The following IQGAP2 variants were observed in gnomAD, a reference collection of about 807,000 sequenced individuals.
IQGAP2 encodes ras GTPase-activating-like protein IQGAP2.
In IQGAP2, 173 loss-of-function variants were observed where a neutral mutation model predicts 201.3. The observed-to-expected ratio is 0.86, with a 90% CI of 0.76 to 0.98. The LOEUF (loss-of-function observed/expected upper bound fraction) is 0.98. Ranked by LOEUF, IQGAP2 falls within the 50% of genes least tolerant of loss-of-function variation. The pLI, the probability that IQGAP2 is intolerant of heterozygous loss-of-function variation, is 0.00. For missense variants in IQGAP2, 1,687 were observed against 1,864.8 expected, an observed-to-expected ratio of 0.90 and a Z score of 1.76; for synonymous variants, 675 against 673.9, an observed-to-expected ratio of 1.00 and a Z score of -0.03.
chr5:76,542,728 C>T (rs943921237), intron 2 of IQGAP2, among the ~76,000 whole-genome samples: 6 of 152,220 alleles, frequency 3.9e-5, no homozygotes, highest in Admixed American at 2.0e-4. Context: ...AAATTTGTCT[C>T]CTCATACCTG....
chr5:76,475,975 A>G (rs1399963648), intron 2 of IQGAP2, among the ~76,000 whole-genome samples: 1 of 152,106 alleles, frequency 6.6e-6, no homozygotes, highest in Non-Finnish European at 1.5e-5. Context: ...TGAAGCCAGG[A>G]TGGGAAAGAT....
At position 76,610,911 on chromosome 5, in the gene IQGAP2, G is replaced by T. The variant is rs1056957651; in HGVS notation, c.1358-109G>T. 3.1e-5 allele frequency: 24 copies of T among 776,438 alleles called. No homozygotes were observed. The African/African-American group carries it at 3.6e-4, about 12-fold the overall frequency. 48.1% of individuals were successfully genotyped at this position (776,438 alleles called of 1,614,324 possible). A position where few individuals can be genotyped will look rare whatever the true frequency, so the allele number is the denominator to read the frequency against. On this transcript the variant is annotated intron_variant, in intron 12 of 35. Transcript: ENST00000274364. ...ATAATTGGTTTTGTGCTTGCATCTT[G>T]CATCCTATAGCCTTGCTGTACTAGT...
At chr5:76,668,912 G>C (rs1425253047) in intron 23 of IQGAP2, 68 bp downstream of exon 23, 1 of 960,510 alleles carries the variant, frequency 1.0e-6, no homozygotes, top group Non-Finnish European at 1.5e-6. Flanking sequence ...GGCTGTCTTT[G>C]ATTTACTAAA....
intron 8 of IQGAP2, among the ~76,000 whole-genome samples, chr5:76,592,426 A>G (rs571094016): frequency 6.6e-6 from 1 of 152,318 alleles, no homozygotes; most frequent in South Asian, 2.1e-4. Flanking sequence ...ACTAAGTATG[A>G]ATACTTTCTT....
Position 76,472,965 on chromosome 5 carries a change from C to G in IQGAP2, c.146+11296C>G, listed in dbSNP as rs181984216. On this transcript the variant is annotated intron_variant, in intron 2 of 35. Coordinates refer to ENST00000274364, the MANE Select transcript of IQGAP2 (RefSeq NM_006633.5). ...TTTAAGCATTCAACCCACATGGTCTCGATTCTCACAACCACTCTGTGGGAA... is the reference window on the plus strand; with the variant it reads ...TTTAAGCATTCAACCCACATGGTCTGGATTCTCACAACCACTCTGTGGGAA... Among the ~76,000 whole-genome samples the G allele has an allele frequency of 3.5e-3, 527 of 152,288 alleles. 1 individual carries two copies. The highest frequency in any genetic ancestry group is 5.9e-3 in the Non-Finnish European group (400 of 68,034).
intron 2 of IQGAP2, among the ~76,000 whole-genome samples, chr5:76,535,115 G>C (rs897525349): frequency 6.6e-6 from 1 of 152,178 alleles, no homozygotes; most frequent in East Asian, 1.9e-4. Flanking sequence ...CTAGGTCCAG[G>C]TGAAAGCACT....
chr5:76,671,425 T>C (rs1487827540), intron 23 of IQGAP2, among the ~76,000 whole-genome samples: 1 of 152,126 alleles, frequency 6.6e-6, no homozygotes, highest in Non-Finnish European at 1.5e-5. Flanking sequence ...GGCTCAGGAC[T>C]GTATTTCCAG....
intron 13 of IQGAP2, among the ~76,000 whole-genome samples, chr5:76,622,832 A>G (rs998152263): frequency 6.6e-6 from 1 of 152,194 alleles, no homozygotes; most frequent in African/African-American, 2.4e-5. Context: ...TAATCCCTAG[A>G]AAAAGTGCCA....
intron 2 of IQGAP2, among the ~76,000 whole-genome samples, chr5:76,545,917 C>G (rs534140470): frequency 6.6e-6 from 1 of 152,318 alleles, no homozygotes; most frequent in African/African-American, 2.4e-5. Flanking sequence ...TTACTTCACA[C>G]TCTCTCCTGT....
chr5:76,547,352 G>T, intron 2 of IQGAP2: 1 of 612,428 alleles, frequency 1.6e-6, no homozygotes, highest in Non-Finnish European at 2.0e-6. Context: ...GCATTCTCTT[G>T]GTGTTCTGGA....
At chr5:76,505,865 C>A (rs1310396220) in intron 2 of IQGAP2, among the ~76,000 whole-genome samples, 1 of 152,200 alleles carries the variant, frequency 6.6e-6, no homozygotes. Flanking sequence ...ATTCCTGTTC[C>A]TGGTAAGCAT....
intron 2 of IQGAP2, among the ~76,000 whole-genome samples, chr5:76,508,695 G>A (rs1439476431): frequency 6.7e-6 from 1 of 149,012 alleles, no homozygotes. Context: ...TTTTTGTTTT[G>A]TTTTGTTTTT....
chr5:76,683,719 G>A, intron 29 of IQGAP2, 57 bp from the exon 30 acceptor site: 12 of 1,502,394 alleles, frequency 8.0e-6, no homozygotes, highest in Non-Finnish European at 1.1e-5. Flanking sequence ...TTACATTGTT[G>A]GTGCCATCAT....
At chr5:76,665,327 A>G (rs1331130169) in intron 22 of IQGAP2, 152 bp downstream of exon 22, 1 of 662,878 alleles carries the variant, frequency 1.5e-6, no homozygotes, top group South Asian at 2.0e-5. Flanking sequence ...GGTGCTTTAC[A>G]TACATTATCT....
intron 2 of IQGAP2, among the ~76,000 whole-genome samples, chr5:76,471,027 A>C (rs1755066311): frequency 2.0e-5 from 3 of 152,194 alleles, no homozygotes; most frequent in Non-Finnish European, 2.9e-5. Context: ...TCAAATAATG[A>C]AAATGAATCT....
chr5:76,480,876 T>G (rs1223352910), intron 2 of IQGAP2, among the ~76,000 whole-genome samples: 2 of 149,648 alleles, frequency 1.3e-5, no homozygotes, highest in Non-Finnish European at 2.9e-5. Context: ...AATTTGTTTC[T>G]CGCAGTTCTG....
At chr5:76,493,835 G>A (rs1756715270) in intron 2 of IQGAP2, among the ~76,000 whole-genome samples, 1 of 152,122 alleles carries the variant, frequency 6.6e-6, no homozygotes, top group Admixed American at 6.5e-5. Flanking sequence ...CTACCAAGTG[G>A]ATTTTGTTTA....
Position 76,590,418 on chromosome 5 carries a change from A to G in IQGAP2, c.651A>G (p.Ala217=). ...CTCTTTACTTTTTAGTACATGCTGC[A>G]GTTATAGCCATTAATGAAGCAGTTG... ...LSVDEAALHA[A]VIAINEAVEK... Residue 217 remains alanine, a synonymous_variant, in exon 8 of 36, where the codon GCA becomes GCG. Transcript: ENST00000274364. 1.2e-6 allele frequency: 2 copies of G among 1,601,026 alleles called. No homozygotes were observed. The highest frequency in any genetic ancestry group is 2.7e-5 in the African/African-American group (2 of 74,228).
chr5:76,564,039 G>A (rs1307143896), intron 3 of IQGAP2, among the ~76,000 whole-genome samples: 1 of 152,160 alleles, frequency 6.6e-6, no homozygotes, highest in African/African-American at 2.4e-5. Flanking sequence ...CTTGAATAAT[G>A]TTATAAATAA....
Sources: gnomAD v4.1 joint callset for allele counts (sites outside exome capture counted in the v4.1 genomes callset) on GRCh38, gnomAD v4.1.1 for gene constraint, MANE v1.5 for transcripts, NCBI Gene and HGNC (gene_info 2026-07-23, HGNC 2026-07-21) for gene names.